SFTPD: variants seen among roughly 807,000 people sequenced by gnomAD.
The protein encoded by SFTPD is pulmonary surfactant-associated protein D.
Under a neutral mutation model 34.6 loss-of-function variants are expected in SFTPD, and 18 were observed. The observed-to-expected ratio is 0.52, with a 90% CI of 0.36 to 0.77. SFTPD has a LOEUF of 0.77. Among genes scored for constraint, SFTPD ranks in the 30% least tolerant of loss-of-function variants. The pLI is 0.00. For missense variants in SFTPD, 433 were observed against 468.9 expected (o/e 0.92, Z 0.71); for synonymous variants, 155 against 180.9 (o/e 0.86, Z 1.15).
In SFTPD at chr10:79,946,661, G is replaced by C. The variant is rs770645935; in HGVS notation, c.-2C>G. ...TGCAGAGAGGAGGAAGAGCAGCATG[G>C]CCTGGAGAGGTGAACAGAAAGAGAA... On this transcript the variant is annotated splice_region_variant and 5_prime_UTR_variant, in exon 2 of 8. Transcript: ENST00000372292. 1.2e-6 allele frequency: 2 copies of C among 1,613,582 alleles called. No homozygotes were observed. Among genetic ancestry groups the C allele is most frequent in the East Asian group, 2.2e-5 (1 of 44,884 alleles).
At chr10:79,942,131 G>T in intron 4 of SFTPD, 61 bp from the exon 5 acceptor site, 2 of 1,254,460 alleles carry the variant, frequency 1.6e-6, no homozygotes, top group East Asian at 2.3e-5. Context: ...GTGTGGTTTT[G>T]TTAGCAATGG....
At chr10:79,961,759 A>G (rs867687273) in intron 1 of SFTPD, among the ~76,000 whole-genome samples, 2 of 152,184 alleles carry the variant, frequency 1.3e-5, no homozygotes, top group African/African-American at 4.8e-5. Context: ...ATCTAGAACT[A>G]GAAATACCAT....
chr10:79,974,613 C>T (rs1183935988), intron 1 of SFTPD, among the ~76,000 whole-genome samples: 2 of 152,092 alleles, frequency 1.3e-5, no homozygotes, highest in Admixed American at 1.3e-4. Context: ...TGTATATATA[C>T]CTCTCCATCT....
intron 1 of SFTPD, among the ~76,000 whole-genome samples, chr10:79,967,968 ACT>A (rs899217696): frequency 2.4e-4 from 36 of 147,696 alleles, no homozygotes; most frequent in Admixed American, 2.2e-3. Context: ...CCCTTCACTG[ACT>A]CTCTTTTCTG....
chr10:79,950,513 A>T (rs1007318664), upstream of SFTPD: 2 of 152,196 alleles, frequency 1.3e-5, no homozygotes, highest in Non-Finnish European at 2.9e-5. Flanking sequence ...TAAGACCCCA[A>T]TCTCTTCTGG....
intron 1 of SFTPD, chr10:79,981,994 G>A (rs1842893417): frequency 1.3e-5 from 4 of 302,312 alleles, no homozygotes; most frequent in African/African-American, 2.3e-5. Context: ...CGCCAGCCTC[G>A]CCCACCTCCC....
rs532368729 is a variant in SFTPD at position 79,961,027 on chromosome 10, C to G, written c.37-14365G>C. 8.1e-4 allele frequency among the ~76,000 whole-genome samples: 123 copies of G among 152,156 alleles called. 1 individual carries two copies. Among genetic ancestry groups the G allele is most frequent in the African/African-American group, 2.5e-3 (103 of 41,514 alleles). On this transcript the variant is annotated intron_variant, in intron 1 of 5. Transcript: ENST00000444384. ...ACCATCTGATCTTTGACAAACCTGACAAAAACAAGCAATGGGGAAAGGATT... is the reference window on the plus strand; with the variant it reads ...ACCATCTGATCTTTGACAAACCTGAGAAAAACAAGCAATGGGGAAAGGATT...
At chr10:79,981,407 A>G (rs1011449270) in intron 1 of SFTPD, among the ~76,000 whole-genome samples, 1 of 152,244 alleles carries the variant, frequency 6.6e-6, no homozygotes, top group Admixed American at 6.5e-5. Context: ...CAAGGAGATA[A>G]TAACAGATAA....
chr10:79,951,653 T>C (rs1842710937), upstream of SFTPD, among the ~76,000 whole-genome samples: 1 of 152,234 alleles, frequency 6.6e-6, no homozygotes, highest in African/African-American at 2.4e-5. Context: ...GTTTTTTATT[T>C]GGTTGTGCAA....
At chr10:79,951,280 T>C (rs1842708583), upstream of SFTPD, among the ~76,000 whole-genome samples, 1 of 152,180 alleles carries the variant, frequency 6.6e-6, no homozygotes, top group Non-Finnish European at 1.5e-5. Context: ...ACTTCCAGAG[T>C]GCTTATGCTG....
chr10:79,946,591 C>T lies in SFTPD; in HGVS notation c.69G>A (p.Met23Ile). 4 of 1,614,200 alleles carry T rather than the reference C, an allele frequency of 2.5e-6. No individual in the cohort carries two copies. The South Asian group carries it at 4.4e-5, about 18-fold the overall frequency. ...GCATTGTTCTGTGGGAGTAGGTCTTCATTTCTGCTTCCAGGTAGCCCAGGG... is the reference window on the plus strand; with the variant it reads ...GCATTGTTCTGTGGGAGTAGGTCTTTATTTCTGCTTCCAGGTAGCCCAGGG... ...TQPLGYLEAE[M>I]KTYSHRTMPS... The change falls in exon 2 of 8, where the codon ATG becomes ATA. Residue 23 changes from methionine (M) to isoleucine (I), a missense_variant. Coordinates refer to ENST00000372292, the MANE Select transcript of SFTPD (RefSeq NM_003019.5).
At chr10:79,976,943 G>C (rs934338709) in intron 1 of SFTPD, among the ~76,000 whole-genome samples, 3 of 152,116 alleles carry the variant, frequency 2.0e-5, no homozygotes, top group African/African-American at 7.2e-5. Flanking sequence ...TTTATCAAGG[G>C]TTTCTGCTTT....
At chr10:79,943,485 A>T (rs1467959923) in intron 2 of SFTPD, among the ~76,000 whole-genome samples, 1 of 152,078 alleles carries the variant, frequency 6.6e-6, no homozygotes, top group East Asian at 1.9e-4. Context: ...GCACTCACAC[A>T]CTCAGAGCTT....
intron 1 of SFTPD, among the ~76,000 whole-genome samples, chr10:79,948,118 G>A (rs996474081): frequency 6.6e-6 from 1 of 152,158 alleles, no homozygotes; most frequent in Non-Finnish European, 1.5e-5. Flanking sequence ...ACTTCCTTGG[G>A]TATCCTGGTA....
At position 79,942,598 on chromosome 10, in the gene SFTPD, C is replaced by A. The variant is rs1381305450; in HGVS notation, c.317-94G>T. The stretch of plus-strand genomic sequence containing the variant: ...AGGGTAATAACAGAGGTAAGGGAGG[C>A]AGCATTGTTGTCCTCCCAACAGCAG... On this transcript the variant is annotated intron_variant, in intron 3 of 7. Coordinates refer to ENST00000372292, the MANE Select transcript of SFTPD (RefSeq NM_003019.5). 4 of 962,862 alleles carry A rather than the reference C, an allele frequency of 4.2e-6. No homozygotes were observed. In the South Asian group the frequency reaches 5.4e-5, roughly 13 times the overall value. 59.6% of individuals were successfully genotyped at this position (962,862 alleles called of 1,614,324 possible).
At chr10:79,947,044 G>A (rs561454309) in intron 1 of SFTPD, among the ~76,000 whole-genome samples, 4 of 152,254 alleles carry the variant, frequency 2.6e-5, no homozygotes, top group African/African-American at 2.4e-5. Context: ...GACACCCCCC[G>A]CCCACTCCCT....
Position 79,938,423 on chromosome 10 carries a change from T to G in SFTPD, c.752-195A>C, listed in dbSNP as rs528456156. 4.1e-4 allele frequency among the ~76,000 whole-genome samples: 62 copies of G among 152,188 alleles called. No homozygotes were observed. The South Asian group carries it at 0.012, about 31-fold the overall frequency. ...TGACCTACCCTGTGAGGTGACACCATGATTCCCCACTTACAGATGAGAGTA... is the reference window on the plus strand; with the variant it reads ...TGACCTACCCTGTGAGGTGACACCAGGATTCCCCACTTACAGATGAGAGTA... On this transcript the variant is annotated intron_variant, in intron 7 of 7. Coordinates refer to ENST00000372292, the MANE Select transcript of SFTPD (RefSeq NM_003019.5).
intron 1 of SFTPD, among the ~76,000 whole-genome samples, chr10:79,981,667 G>A (rs746911868): frequency 6.6e-6 from 1 of 152,204 alleles, no homozygotes; most frequent in Non-Finnish European, 1.5e-5. Context: ...AAAACAACTG[G>A]GTGGCTGTGG....
intron 2 of SFTPD, among the ~76,000 whole-genome samples, chr10:79,943,545 G>T (rs1337562488): frequency 6.6e-6 from 1 of 152,188 alleles, no homozygotes; most frequent in Non-Finnish European, 1.5e-5. Context: ...AATCGAGGGA[G>T]ATTTGCAGAG....
Sources: gnomAD v4.1 joint callset for allele counts (sites outside exome capture counted in the v4.1 genomes callset) on GRCh38, gnomAD v4.1.1 for gene constraint, MANE v1.5 for transcripts, NCBI Gene and HGNC (gene_info 2026-07-23, HGNC 2026-07-21) for gene names.